The following CNPPD1 variants were observed in gnomAD, a reference collection of about 807,000 sequenced individuals.
CNPPD1 encodes protein CNPPD1.
CNPPD1 carries 40 observed loss-of-function variants against 43.7 expected under a neutral mutation model. The ratio of observed to expected loss-of-function variants is 0.92; its 90% confidence interval spans 0.71 to 1.19. The LOEUF is 1.19. Among genes scored for constraint, CNPPD1 ranks in the 50% most tolerant of loss-of-function variants. The pLI, the probability that CNPPD1 is intolerant of heterozygous loss-of-function variation, is 0.00. For missense variants in CNPPD1, 511 were observed against 518.5 expected, an observed-to-expected ratio of 0.99 and a Z score of 0.14; for synonymous variants, 208 against 214.3, an observed-to-expected ratio of 0.97 and a Z score of 0.26.
rs557399511 is a variant in CNPPD1, at chr2:219,171,994, G to A, written c.*592C>T. 6.5e-6 allele frequency: 1 copy of A among 154,876 alleles called. No homozygotes were observed. The highest frequency in any genetic ancestry group is 6.4e-5 in the Admixed American group (1 of 15,738). The allele number at this position is 154,876 out of a possible 1,614,324, so 9.6% of individuals were successfully genotyped here. A position where few individuals can be genotyped will look rare whatever the true frequency, so the allele number is the denominator to read the frequency against. On this transcript the variant is annotated 3_prime_UTR_variant, in exon 8 of 8. Coordinates refer to ENST00000360507, the MANE Select transcript of CNPPD1 (RefSeq NM_015680.6). Reference sequence around the variant, plus strand: ...GAGAGGCCTGGGAAGAGAATACCTGGGAGAAGAACCAGAAGAGAGGGAAAC... The same window carrying A: ...GAGAGGCCTGGGAAGAGAATACCTGAGAGAAGAACCAGAAGAGAGGGAAAC...
At chr2:219,176,363 G>A (rs918734777) in intron 1 of CNPPD1, 32 bp from the exon 2 acceptor site, 25 of 1,501,014 alleles carry the variant, frequency 1.7e-5, no homozygotes, top group Middle Eastern at 1.7e-4. Flanking sequence ...GGAGGGTGAA[G>A]GGCACGGAAA....
rs1950096846 is a variant in CNPPD1, at chr2:219,172,935, A to T, written c.884T>A (p.Val295Asp). Residue 295 changes from valine (V) to aspartate (D), a missense_variant, in exon 8 of 8, where the codon GTC becomes GAC. By Grantham distance (152) the Val-to-Asp change is radical. Coordinates refer to ENST00000360507, the MANE Select transcript of CNPPD1 (RefSeq NM_015680.6). ...VPQCLPSLAN[V>D]SSCLEGSMGL... ...CATGCTGCCTTCCAGGCAGCTGGAG[A>T]CATTAGCGAGAGACGGCAGGCATTG... 1.9e-6 allele frequency: 3 copies of T among 1,613,606 alleles called. No individual in the cohort carries two copies. The highest frequency in any genetic ancestry group is 1.7e-6 in the Non-Finnish European group (2 of 1,179,768).
intron 3 of CNPPD1, 82 bp downstream of exon 3, chr2:219,175,507 AAG>A (rs1276177453): frequency 1.3e-5 from 17 of 1,298,236 alleles, no homozygotes; most frequent in East Asian, 2.3e-5. Context: ...AAAAAAAAAA[AAG>A]AAAGAAAGAA....
In CNPPD1 at chr2:219,174,143, TACCAGCTCTCCA is replaced by T. The variant is rs780324507; in HGVS notation, c.563_572+2del. ...GCCCTTCTTCCCAACTCCTAGAACCTACCAGCTCTCCAACCAGCTCAGCACCTCAAAGATCTC... is the reference window on the plus strand; with the variant it reads ...GCCCTTCTTCCCAACTCCTAGAACCTACCAGCTCAGCACCTCAAAGATCTC... On this transcript the variant is annotated splice_donor_variant and coding_sequence_variant, in exon 6 of 8. Coordinates refer to ENST00000360507, the MANE Select transcript of CNPPD1 (RefSeq NM_015680.6). LOFTEE classifies it high-confidence loss of function. 4.3e-6 allele frequency: 7 copies of T among 1,614,086 alleles called. No individual in the cohort carries two copies. The highest frequency in any genetic ancestry group is 5.9e-6 in the Non-Finnish European group (7 of 1,179,992).
At chr2:219,176,697 A>G in intron 1 of CNPPD1, 63 bp downstream of exon 1, 1 of 1,272,202 alleles carries the variant, frequency 7.9e-7, no homozygotes, top group Non-Finnish European at 1.1e-6. Context: ...GCGAGCTCGC[A>G]GCGCCGCTCA....
rs760582894 is a variant in CNPPD1, at chr2:219,172,766, G to A, written c.1053C>T (p.Ala351=). 3 of 1,609,550 alleles carry A rather than the reference G, an allele frequency of 1.9e-6. No homozygotes were observed. Among genetic ancestry groups the A allele is most frequent in the African/African-American group, 2.7e-5 (2 of 74,796 alleles). ...KLQRDSPTCH[A]CLHPNRTVPT... is the part of the protein sequence containing the mutation. Reference sequence around the variant, plus strand: ...GGACTGTACGGTTGGGGTGGAGGCAGGCATGGCAGGTTGGGGAGTCTCTCT... The same window carrying A: ...GGACTGTACGGTTGGGGTGGAGGCAAGCATGGCAGGTTGGGGAGTCTCTCT... The change falls in exon 8 of 8, where the codon GCC becomes GCT. Residue 351 remains alanine, a synonymous_variant. Coordinates refer to ENST00000360507, the MANE Select transcript of CNPPD1 (RefSeq NM_015680.6).
At chr2:219,176,432 G>C (rs1950162648) in intron 1 of CNPPD1, 101 bp from the exon 2 acceptor site, 1 of 889,098 alleles carries the variant, frequency 1.1e-6, no homozygotes, top group African/African-American at 1.7e-5. Flanking sequence ...GGCCGGCCTC[G>C]CTGCTAGGGG....
chr2:219,176,672 C>T (rs1574775161), intron 1 of CNPPD1, 88 bp downstream of exon 1: 16 of 1,061,290 alleles, frequency 1.5e-5, no homozygotes, highest in Non-Finnish European at 1.9e-5. Context: ...CGCCCAGTCC[C>T]GGCACAGCAG....
intron 5 of CNPPD1, among the ~76,000 whole-genome samples, chr2:219,174,486 G>T (rs1012263602): frequency 5.9e-5 from 9 of 152,174 alleles, no homozygotes; most frequent in African/African-American, 2.2e-4. Flanking sequence ...GAGAAAGTAT[G>T]GACACAAATA....
At chr2:219,176,699 C>A (rs1351953247) in intron 1 of CNPPD1, 61 bp downstream of exon 1, 2 of 1,300,360 alleles carry the variant, frequency 1.5e-6, no homozygotes, top group African/African-American at 3.0e-5. Flanking sequence ...GAGCTCGCAG[C>A]GCCGCTCAGG....
intron 6 of CNPPD1, among the ~76,000 whole-genome samples, 155 bp downstream of exon 6, chr2:219,173,991 G>A (rs1039593586): frequency 1.3e-5 from 2 of 152,178 alleles, no homozygotes; most frequent in Admixed American, 1.3e-4. Flanking sequence ...AGGTGATGAA[G>A]AAGAGGACAG....
At chr2:219,176,487 T>C (rs937321106) in intron 1 of CNPPD1, 156 bp from the exon 2 acceptor site, 8 of 634,458 alleles carry the variant, frequency 1.3e-5, no homozygotes, top group Middle Eastern at 4.3e-4. Flanking sequence ...CGCTTGCCAA[T>C]GGCAGCCTGG....
chr2:219,174,119 C>A, intron 6 of CNPPD1, 27 bp downstream of exon 6: 1 of 1,612,148 alleles, frequency 6.2e-7, no homozygotes, highest in Non-Finnish European at 8.5e-7. Flanking sequence ...ATCCCTCGAG[C>A]CCTTCTTCCC....
chr2:219,173,550 C>T, intron 6 of CNPPD1, 83 bp from the exon 7 acceptor site: 1 of 1,185,000 alleles, frequency 8.4e-7, no homozygotes, highest in African/African-American at 1.5e-5. Context: ...CAGGACCCAC[C>T]AGGAAACACT....
chr2:219,176,524 C>T, intron 1 of CNPPD1, 193 bp from the exon 2 acceptor site: 1 of 625,004 alleles, frequency 1.6e-6, no homozygotes, highest in Non-Finnish European at 2.8e-6. Context: ...TGCCCCCACC[C>T]CCATCGAGGG....
intron 6 of CNPPD1, 76 bp downstream of exon 6, chr2:219,174,070 C>T: frequency 7.2e-7 from 1 of 1,393,356 alleles, no homozygotes; most frequent in East Asian, 2.3e-5. Context: ...TACACAGACT[C>T]TCATCTCTAG....
intron 6 of CNPPD1, 79 bp from the exon 7 acceptor site, chr2:219,173,546 C>A: frequency 1.6e-6 from 2 of 1,246,746 alleles, no homozygotes; most frequent in Non-Finnish European, 2.3e-6. Context: ...CACTCAGGAC[C>A]CACCAGGAAA....
chr2:219,174,587 C>T (rs1182778230), intron 5 of CNPPD1, among the ~76,000 whole-genome samples, 191 bp downstream of exon 5: 2 of 152,162 alleles, frequency 1.3e-5, no homozygotes, highest in African/African-American at 4.8e-5. Flanking sequence ...CTGCTCTTGG[C>T]CTTACTGCTC....
rs945498193 is a variant in CNPPD1, at chr2:219,171,897, T to C, written c.*689A>G. 2 of 152,520 alleles carry C rather than the reference T, an allele frequency of 1.3e-5. No individual in the cohort carries two copies. Among genetic ancestry groups the C allele is most frequent in the South Asian group, 4.1e-4 (2 of 4,830 alleles). The allele number at this position is 152,520 out of a possible 1,614,324, so 9.4% of individuals were successfully genotyped here. Reference sequence around the variant, plus strand: ...GCCGCAGAAGGAAAAGTCCAGGCCATGCAACTGAAACTGTTTATTGAAACC... The same window carrying C: ...GCCGCAGAAGGAAAAGTCCAGGCCACGCAACTGAAACTGTTTATTGAAACC... On this transcript the variant is annotated 3_prime_UTR_variant, in exon 8 of 8. Transcript: ENST00000360507.
Sources: allele counts gnomAD v4.1 joint callset (sites outside exome capture counted in the v4.1 genomes callset), GRCh38; gene constraint gnomAD v4.1.1; transcripts MANE v1.5; gene names NCBI Gene and HGNC (gene_info 2026-07-23, HGNC 2026-07-21).